Variants in CENPE observed in about 807,000 individuals in gnomAD.
CENPE encodes centromere protein E.
CENPE carries 145 observed loss-of-function variants against 336.1 expected under a neutral mutation model. That is an observed-to-expected ratio of 0.43 (90% CI 0.38 to 0.50). The LOEUF (loss-of-function observed/expected upper bound fraction) is 0.50. Ranked by LOEUF, CENPE falls within the 20% of genes least tolerant of loss-of-function variation. The pLI is 0.00. For missense variants in CENPE, 2,719 were observed against 3,023.3 expected, an observed-to-expected ratio of 0.90 and a Z score of 2.36; for synonymous variants, 1,013 against 984.8, an observed-to-expected ratio of 1.03 and a Z score of -0.54.
At chr4:103,134,440 C>T (rs1006470180) in intron 40 of CENPE, among the ~76,000 whole-genome samples, 4 of 151,976 alleles carry the variant, frequency 2.6e-5, no homozygotes, top group Non-Finnish European at 4.4e-5. Flanking sequence ...CGAGACCATC[C>T]TGGCTAACAC....
At chr4:103,148,798 AAAGG>A in intron 28 of CENPE, 42 bp downstream of exon 28, 3 of 1,535,024 alleles carry the variant, frequency 2.0e-6, no homozygotes, top group Non-Finnish European at 2.7e-6. Context: ...TTCAAAGGAG[AAAGG>A]AAGGAAGAAG....
chr4:103,188,552 T>A (rs1244392691), intron 8 of CENPE, among the ~76,000 whole-genome samples: 6 of 152,010 alleles, frequency 3.9e-5, no homozygotes, highest in Non-Finnish European at 8.8e-5. Flanking sequence ...ACTGGGTACA[T>A]AACAAAATGA....
chr4:103,106,903 G>T (rs1182524700), intron 48 of CENPE, among the ~76,000 whole-genome samples: 1 of 151,942 alleles, frequency 6.6e-6, no homozygotes, highest in African/African-American at 2.4e-5. Context: ...TTCAAGCTGG[G>T]ACTATCTCAT....
At chr4:103,159,915 A>G (rs1325817027) in intron 21 of CENPE, among the ~76,000 whole-genome samples, 4 of 151,938 alleles carry the variant, frequency 2.6e-5, no homozygotes, top group Non-Finnish European at 4.4e-5. Context: ...GAGATGAGAA[A>G]AAAAGAAGAG....
At chr4:103,187,084 G>A (rs149190480) in intron 8 of CENPE, among the ~76,000 whole-genome samples, 1 of 152,304 alleles carries the variant, frequency 6.6e-6, no homozygotes, top group East Asian at 1.9e-4. Flanking sequence ...AGAAGCCATT[G>A]CAGGGCTTTA....
At chr4:103,173,484 C>T (rs1170500267) in intron 16 of CENPE, among the ~76,000 whole-genome samples, 2 of 128,224 alleles carry the variant, frequency 1.6e-5, no homozygotes, top group African/African-American at 2.6e-5. Context: ...AAAAGCACAA[C>T]CAAAAAGACC....
At chr4:103,180,605 TCTAA>T (rs761428894) in intron 12 of CENPE, 136 bp from the exon 13 acceptor site, 80 of 575,402 alleles carry the variant, frequency 1.4e-4, no homozygotes, top group Admixed American at 4.6e-4. Flanking sequence ...TAAAATATAC[TCTAA>T]CTGTAGAACA....
intron 42 of CENPE, among the ~76,000 whole-genome samples, chr4:103,123,957 A>C (rs1750872167): frequency 6.6e-6 from 1 of 152,224 alleles, no homozygotes; most frequent in Non-Finnish European, 1.5e-5. Context: ...ATCATAAGAA[A>C]GGAGAGTGCA....
At chr4:103,196,477 C>T (rs1452688021) in intron 2 of CENPE, among the ~76,000 whole-genome samples, 1 of 152,008 alleles carries the variant, frequency 6.6e-6, no homozygotes, top group Non-Finnish European at 1.5e-5. Flanking sequence ...TACAAGTCAA[C>T]TTTTCTATGT....
chr4:103,185,773 G>A, intron 9 of CENPE, 37 bp downstream of exon 9: 8 of 1,455,496 alleles, frequency 5.5e-6, no homozygotes, highest in Non-Finnish European at 7.5e-6. Context: ...AAAATAGGAA[G>A]ACATTAAGAC....
chr4:103,176,797 T>C, intron 14 of CENPE, 102 bp downstream of exon 14: 3 of 849,978 alleles, frequency 3.5e-6, no homozygotes, highest in Middle Eastern at 3.6e-4. Flanking sequence ...AAATACACAG[T>C]ATTTAAACAT....
intron 9 of CENPE, among the ~76,000 whole-genome samples, chr4:103,185,166 G>A (rs919688803): frequency 3.3e-5 from 5 of 152,004 alleles, no homozygotes; most frequent in Non-Finnish European, 5.9e-5. Flanking sequence ...TTAGCTGGGC[G>A]TGATGGTGCA....
chr4:103,160,539 A>G, intron 21 of CENPE, 86 bp downstream of exon 21: 1 of 1,162,786 alleles, frequency 8.6e-7, no homozygotes. Context: ...CTAGTTTAAA[A>G]TAAACTATAC....
chr4:103,152,032 C>G (rs574600150), intron 25 of CENPE, among the ~76,000 whole-genome samples: 120 of 152,168 alleles, frequency 7.9e-4, no homozygotes, highest in African/African-American at 2.7e-3. Context: ...TTTATTTAAA[C>G]TTATACACAT....
rs746626656 is a variant in CENPE at position 103,108,834 on chromosome 4, A to G, written c.7980T>C (p.Tyr2660=). ...KSLPSPHPVR[Y]FDNSSLGLCP... is the part of the protein sequence containing the mutation. ...AAAGGCCTAAACTTGAGTTATCAAA[A>G]TAGCGAACTGGATGAGGTGATGGTA... Residue 2660 remains tyrosine (Y), a synonymous_variant, in exon 48 of 49, where the codon TAT becomes TAC. Transcript: ENST00000265148. 14 of 1,613,652 alleles carry G rather than the reference A, an allele frequency of 8.7e-6. No homozygotes were observed. The Middle Eastern group carries it at 6.6e-4, about 76-fold the overall frequency.
Position 103,136,317 on chromosome 4 carries a change from A to C in CENPE, c.6346T>G (p.Cys2116Gly), listed in dbSNP as rs1752065784. 1 of 1,612,680 alleles carries C rather than the reference A, an allele frequency of 6.2e-7. No individual in the cohort carries two copies. The highest frequency in any genetic ancestry group is 8.5e-7 in the Non-Finnish European group (1 of 1,179,706). ...AAGTCAAGAGACAATCTATTCAAGCACTCATAATGATCATCCATCTCTGAG... is the reference window on the plus strand; with the variant it reads ...AAGTCAAGAGACAATCTATTCAAGCCCTCATAATGATCATCCATCTCTGAG... ...RYSEMDDHYE[C>G]LNRLSLDLEK... is the part of the protein sequence containing the mutation. Residue 2116 changes from cysteine (C) to glycine (G), a missense_variant, in exon 40 of 49, where the codon TGC becomes GGC. By Grantham distance (159) the Cys-to-Gly change is radical. Coordinates refer to ENST00000265148, the MANE Select transcript of CENPE (RefSeq NM_001813.3).
intron 16 of CENPE, among the ~76,000 whole-genome samples, chr4:103,172,240 TA>T (rs1469626164): frequency 6.6e-6 from 1 of 151,876 alleles, no homozygotes; most frequent in Non-Finnish European, 1.5e-5. Flanking sequence ...ACAGCACATT[TA>T]AAAGATAATT....
chr4:103,186,581 G>C (rs749031441), intron 8 of CENPE, among the ~76,000 whole-genome samples: 2 of 152,154 alleles, frequency 1.3e-5, no homozygotes, highest in Admixed American at 6.5e-5. Flanking sequence ...AAAAGAAGTG[G>C]CTGCTTATTA....
chr4:103,117,606 C>T (rs969381802), intron 44 of CENPE, among the ~76,000 whole-genome samples: 1 of 149,766 alleles, frequency 6.7e-6, no homozygotes, highest in African/African-American at 2.5e-5. Context: ...TATTAAAAGT[C>T]CACTCATTTT....
Sources: allele counts gnomAD v4.1 joint callset (sites outside exome capture counted in the v4.1 genomes callset), GRCh38; gene constraint gnomAD v4.1.1; transcripts MANE v1.5; gene names NCBI Gene and HGNC (gene_info 2026-07-23, HGNC 2026-07-21).